SH3PXD2A: variants seen among roughly 807,000 people sequenced by gnomAD.
SH3PXD2A encodes the protein SH3 and PX domains 2A.
SH3PXD2A carries 32 observed loss-of-function variants against 115.2 expected under a neutral mutation model. The observed-to-expected ratio is 0.28, with a 90% confidence interval of 0.21 to 0.37. The LOEUF (loss-of-function observed/expected upper bound fraction) is 0.37. SH3PXD2A is among the 10% of genes least tolerant of loss of function. The pLI, the probability that SH3PXD2A is intolerant of heterozygous loss-of-function variation, is 1.00. For missense variants in SH3PXD2A, 1,328 were observed against 1,498.7 expected (o/e 0.89, Z 1.88); for synonymous variants, 610 against 629.1 (o/e 0.97, Z 0.45).
intron 2 of SH3PXD2A, among the ~76,000 whole-genome samples, chr10:103,767,814 T>TGTTTTTTTTG (rs35783741): frequency 6.9e-6 from 1 of 145,286 alleles, no homozygotes; most frequent in Non-Finnish European, 1.5e-5. Context: ...TGTTTTGTTT[T>TGTTTTTTTTG]TTTTTTTTTT....
At chr10:103,816,997 ATTT>A (rs56260224) in intron 1 of SH3PXD2A, among the ~76,000 whole-genome samples, 325 of 99,592 alleles carry the variant, frequency 3.3e-3, no homozygotes, top group African/African-American at 0.011. Context: ...CACCCGGCTA[ATTT>A]TTTTTTTTTT....
At chr10:103,616,816 C>T (rs1184073539) in intron 11 of SH3PXD2A, among the ~76,000 whole-genome samples, 4 of 152,156 alleles carry the variant, frequency 2.6e-5, no homozygotes, top group African/African-American at 4.8e-5. Flanking sequence ...GGCCTGCGGA[C>T]GCCAGTGCTC....
chr10:103,610,364 C>T (rs769915412), intron 13 of SH3PXD2A, among the ~76,000 whole-genome samples: 3 of 152,236 alleles, frequency 2.0e-5, no homozygotes, highest in Non-Finnish European at 4.4e-5. Context: ...GAAGGAATTA[C>T]CCCATTCTTG....
chr10:103,652,871 G>A (rs2037149639), intron 8 of SH3PXD2A, among the ~76,000 whole-genome samples: 2 of 152,068 alleles, frequency 1.3e-5, no homozygotes, highest in Non-Finnish European at 2.9e-5. Context: ...TCCGCTGCGG[G>A]GCTTCGAGTA....
chr10:103,651,821 A>G (rs920665958), intron 8 of SH3PXD2A, among the ~76,000 whole-genome samples: 14 of 152,226 alleles, frequency 9.2e-5, no homozygotes, highest in African/African-American at 1.9e-4. Context: ...GACCTCCCCA[A>G]TAACCCTCCT....
rs141847463 is a variant in SH3PXD2A at position 103,757,260 on chromosome 10, G to A, written c.229+9834C>T. On this transcript the variant is annotated intron_variant, in intron 3 of 14. Coordinates refer to ENST00000369774, the MANE Select transcript of SH3PXD2A (RefSeq NM_001394015.1). ...TCTGGTGACTTTGCCAACAAGCAAGGTGATCCCTGATTGCTCAAACTTAAC... is the reference window on the plus strand; with the variant it reads ...TCTGGTGACTTTGCCAACAAGCAAGATGATCCCTGATTGCTCAAACTTAAC... 1.4e-3 allele frequency among the ~76,000 whole-genome samples: 217 copies of A among 152,314 alleles called. 1 individual carries two copies. The highest frequency in any genetic ancestry group is 4.6e-3 in the African/African-American group (193 of 41,560).
At chr10:103,849,172 A>C (rs1373740151) in intron 1 of SH3PXD2A, among the ~76,000 whole-genome samples, 1 of 151,736 alleles carries the variant, frequency 6.6e-6, no homozygotes, top group Non-Finnish European at 1.5e-5. Flanking sequence ...TTTCTCTCTC[A>C]CCAAGCCAGC....
intron 8 of SH3PXD2A, among the ~76,000 whole-genome samples, chr10:103,635,762 T>G (rs548209651): frequency 6.6e-6 from 1 of 152,114 alleles, no homozygotes; most frequent in South Asian, 2.1e-4. Context: ...CATGTCTGTG[T>G]GCCAGGGCCC....
intron 1 of SH3PXD2A, among the ~76,000 whole-genome samples, chr10:103,822,358 A>G (rs2039389572): frequency 6.6e-6 from 1 of 152,224 alleles, no homozygotes; most frequent in African/African-American, 2.4e-5. Flanking sequence ...GGTGCTTCCT[A>G]TGCAGATGTA....
intron 8 of SH3PXD2A, among the ~76,000 whole-genome samples, chr10:103,630,062 C>T (rs2036755905): frequency 6.6e-6 from 1 of 152,182 alleles, no homozygotes; most frequent in South Asian, 2.1e-4. Context: ...CTCATCTTGC[C>T]CACAGCCACT....
intron 1 of SH3PXD2A, among the ~76,000 whole-genome samples, chr10:103,849,494 G>A (rs922255177): frequency 3.9e-5 from 6 of 152,202 alleles, no homozygotes; most frequent in Non-Finnish European, 7.3e-5. Flanking sequence ...CACAGCAGGG[G>A]CTCAGTCTCT....
intron 9 of SH3PXD2A, among the ~76,000 whole-genome samples, chr10:103,624,721 G>A (rs2036664729): frequency 6.6e-6 from 1 of 152,222 alleles, no homozygotes; most frequent in South Asian, 2.1e-4. Flanking sequence ...CACCTATGAT[G>A]GGATGGCCAT....
At chr10:103,787,349 C>T (rs2038990069) in intron 2 of SH3PXD2A, among the ~76,000 whole-genome samples, 1 of 152,178 alleles carries the variant, frequency 6.6e-6, no homozygotes, top group Non-Finnish European at 1.5e-5. Flanking sequence ...CAATATGCAC[C>T]AAATATATAT....
intron 2 of SH3PXD2A, among the ~76,000 whole-genome samples, chr10:103,786,972 C>T (rs556767647): frequency 6.6e-6 from 1 of 152,334 alleles, no homozygotes; most frequent in African/African-American, 2.4e-5. Context: ...GCCGCTGGGA[C>T]TGAGGTCACC....
intron 8 of SH3PXD2A, among the ~76,000 whole-genome samples, chr10:103,646,001 C>A (rs569128262): frequency 5.8e-4 from 88 of 152,304 alleles, no homozygotes; most frequent in African/African-American, 2.1e-3. Flanking sequence ...ATCACAATAC[C>A]CATACTTTAC....
At chr10:103,816,723 A>G (rs2039327086) in intron 1 of SH3PXD2A, among the ~76,000 whole-genome samples, 1 of 152,258 alleles carries the variant, frequency 6.6e-6, no homozygotes, top group Non-Finnish European at 1.5e-5. Context: ...TAGCAGCATT[A>G]TATTATAAAA....
chr10:103,696,986 C>T (rs973925424), intron 5 of SH3PXD2A, among the ~76,000 whole-genome samples: 1 of 152,128 alleles, frequency 6.6e-6, no homozygotes, highest in African/African-American at 2.4e-5. Context: ...CCCATCTAAA[C>T]AAGGACTCCT....
rs2036116395 is a variant in SH3PXD2A, at chr10:103,595,216, C to T, written c.*6600G>A. 1 of 152,182 alleles carries T rather than the reference C, an allele frequency of 6.6e-6. No homozygotes were observed. Among genetic ancestry groups the T allele is most frequent in the East Asian group, 1.9e-4 (1 of 5,200 alleles). The allele number at this position is 152,182 out of a possible 1,614,324, so 9.4% of individuals were successfully genotyped here. A position where few individuals can be genotyped will look rare whatever the true frequency, so the allele number is the denominator to read the frequency against. On this transcript the variant is annotated 3_prime_UTR_variant, in exon 15 of 15. Coordinates refer to ENST00000369774, the MANE Select transcript of SH3PXD2A (RefSeq NM_001394015.1). ...GTGGCCCAATGAGTGGCAGTTTTTT[C>T]CTAGCCAGTTTCTGTGGCCAAATTT...
At chr10:103,703,121 A>C (rs941980315) in intron 5 of SH3PXD2A, among the ~76,000 whole-genome samples, 5 of 152,310 alleles carry the variant, frequency 3.3e-5, no homozygotes, top group African/African-American at 1.2e-4. Flanking sequence ...GCCCACCCAA[A>C]GTCAGGCTGT....
Sources: allele counts gnomAD v4.1 joint callset (sites outside exome capture counted in the v4.1 genomes callset), GRCh38; gene constraint gnomAD v4.1.1; transcripts MANE v1.5; gene names NCBI Gene and HGNC (gene_info 2026-07-23, HGNC 2026-07-21).